TTC34: variants seen among roughly 807,000 people sequenced by gnomAD.
TTC34 encodes the protein tetratricopeptide repeat protein 34.
Under a neutral mutation model 40.7 loss-of-function variants are expected in TTC34, and 44 were observed. The observed-to-expected ratio is 1.08, with a 90% CI of 0.85 to 1.39. The LOEUF is 1.39. Ranked by LOEUF, TTC34 falls within the 40% of genes most tolerant of loss-of-function variation. TTC34 has a pLI of 0.00. For synonymous variants in TTC34, 422 were observed against 398.6 expected (o/e 1.06, Z -0.70); for missense variants, 884 against 838.0 (o/e 1.05, Z -0.68).
intron 6 of TTC34, among the ~76,000 whole-genome samples, chr1:2,688,147 G>A (rs796816033): frequency 0.023 from 795 of 34,510 alleles, no homozygotes; most frequent in African/African-American, 0.028. Context: ...AGCATCTGAC[G>A]GCCTGGAAGG....
chr1:2,686,081 C>G (rs1323839117), intron 6 of TTC34, among the ~76,000 whole-genome samples: 2 of 132,234 alleles, frequency 1.5e-5, no homozygotes. Context: ...GCACCCACAC[C>G]CCCAGGCGAG....
rs1377626427 is a variant in TTC34 at position 2,752,721 on chromosome 1, C to T, written c.2226+30888G>A. Among the ~76,000 whole-genome samples the T allele has an allele frequency of 2.3e-5, 3 of 131,060 alleles. 1 individual carries two copies. Among genetic ancestry groups the T allele is most frequent in the African/African-American group, 9.5e-5 (3 of 31,464 alleles). 86.0% of individuals were successfully genotyped at this position (131,060 alleles called of 152,430 possible). The stretch of plus-strand genomic sequence containing the variant: ...CAGATGAGCATCTGACAGCATGGAA[C>T]AGCACCCTGCACCCCCAGGACAGCA... On this transcript the variant is annotated intron_variant, in intron 6 of 8. Transcript: ENST00000401095.
chr1:2,686,623 C>A (rs1345367077), intron 6 of TTC34, among the ~76,000 whole-genome samples: 4 of 148,506 alleles, frequency 2.7e-5, no homozygotes, highest in African/African-American at 7.7e-5. Context: ...CATCTGACAG[C>A]ATGTAACAGC....
chr1:2,690,962 A>C (rs370528391), intron 6 of TTC34, among the ~76,000 whole-genome samples: 10 of 34,722 alleles, frequency 2.9e-4, no homozygotes, highest in Non-Finnish European at 4.1e-4. Flanking sequence ...CATCTGACAG[A>C]CTGGAACAGC....
rs1641626873 is a variant in TTC34, at chr1:2,759,645, G to T, written c.2226+23964C>A. 3.9e-5 allele frequency among the ~76,000 whole-genome samples: 6 copies of T among 151,954 alleles called. No homozygotes were observed. The East Asian group carries it at 5.8e-4, about 15-fold the overall frequency. On this transcript the variant is annotated intron_variant, in intron 6 of 8. Coordinates refer to ENST00000401095, the Ensembl canonical transcript of TTC34. ...CCTGGAACAGCACCCACACCCCCAGGTGAGCATTCGACAGCCTGGAGCAGC... is the reference window on the plus strand; with the variant it reads ...CCTGGAACAGCACCCACACCCCCAGTTGAGCATTCGACAGCCTGGAGCAGC...
At chr1:2,641,386 T>G in exon 9 of TTC34, 2 of 1,520,042 alleles carry the variant, frequency 1.3e-6, no homozygotes, top group African/African-American at 1.4e-5. Flanking sequence ...GCCAGCAGCC[T>G]GAGGATGCCT....
At chr1:2,683,377 G>C (rs1360108541) in intron 6 of TTC34, among the ~76,000 whole-genome samples, 2 of 145,384 alleles carry the variant, frequency 1.4e-5, no homozygotes, top group African/African-American at 5.2e-5. Context: ...TGATGGCTTG[G>C]AACAGCACCC....
chr1:2,768,062 C>A (rs1641839423), intron 6 of TTC34, among the ~76,000 whole-genome samples: 3 of 150,958 alleles, frequency 2.0e-5, no homozygotes, highest in Admixed American at 2.0e-4. Context: ...TGATCATTTG[C>A]CAGCCAGGAA....
At chr1:2,692,555 GCATC>G (rs1640672659) in intron 6 of TTC34, among the ~76,000 whole-genome samples, 1 of 99,638 alleles carries the variant, frequency 1.0e-5, no homozygotes, top group Non-Finnish European at 2.2e-5. Flanking sequence ...CCCCAGGCGA[GCATC>G]GGACGGCCTG....
At chr1:2,677,879 A>G (rs1406158643) in intron 6 of TTC34, among the ~76,000 whole-genome samples, 5 of 17,044 alleles carry the variant, frequency 2.9e-4, no homozygotes, top group East Asian at 5.5e-3. Context: ...ACAGCCTGGA[A>G]CCGCAGCCAC....
At chr1:2,691,099 ACCTT>A (rs1640597440) in intron 6 of TTC34, among the ~76,000 whole-genome samples, 2 of 75,438 alleles carry the variant, frequency 2.7e-5, no homozygotes, top group Non-Finnish European at 6.3e-5. Flanking sequence ...CAGCACCCAC[ACCTT>A]CAGGTGAGCA....
chr1:2,649,522 A>G (rs1170008893), intron 6 of TTC34, among the ~76,000 whole-genome samples: 1 of 152,080 alleles, frequency 6.6e-6, no homozygotes, highest in Admixed American at 6.5e-5. Context: ...AGCACCCTTC[A>G]TGTTCAGGTG....
rs1641269972 is a variant in TTC34 at position 2,750,224 on chromosome 1, G to C, written c.2226+33385C>G. ...CACACCCCCAGGTGCGCATCTGATGGTCTGGAGCAGCACCCACACCCACAG... is the reference window on the plus strand; with the variant it reads ...CACACCCCCAGGTGCGCATCTGATGCTCTGGAGCAGCACCCACACCCACAG... On this transcript the variant is annotated intron_variant, in intron 6 of 8. Coordinates refer to ENST00000401095, the Ensembl canonical transcript of TTC34. 3.3e-4 allele frequency among the ~76,000 whole-genome samples: 50 copies of C among 151,834 alleles called. No individual in the cohort carries two copies. The South Asian group carries it at 9.0e-3, about 27-fold the overall frequency.
exon 2 of TTC34, chr1:2,800,807 G>A (rs1169796260): frequency 5.0e-6 from 2 of 398,466 alleles, no homozygotes; most frequent in Admixed American, 4.4e-5. Flanking sequence ...GGCAGGCCAC[G>A]AGCTCCTGGG....
At chr1:2,685,085 G>C (rs1472177721) in intron 6 of TTC34, among the ~76,000 whole-genome samples, 2 of 105,684 alleles carry the variant, frequency 1.9e-5, no homozygotes, top group East Asian at 3.3e-4. Context: ...GCACCCCCAG[G>C]TGTGCACGTG....
chr1:2,789,408 C>A (rs1643634025), intron 3 of TTC34, 95 bp downstream of exon 3: 1 of 1,262,454 alleles, frequency 7.9e-7, no homozygotes, highest in Non-Finnish European at 1.1e-6. Context: ...TGCCTCCGTT[C>A]ATTCCTTTGT....
At chr1:2,691,180 T>A (rs72468227) in intron 6 of TTC34, among the ~76,000 whole-genome samples, 48 of 25,148 alleles carry the variant, frequency 1.9e-3, no homozygotes, top group Non-Finnish European at 2.1e-3. Context: ...AGCACCCTGC[T>A]TCCCCAGGTG....
chr1:2,641,466 C>T lies in TTC34; in HGVS notation c.3142G>A (p.Val1048Ile), dbSNP rs1413328823. The T allele has an allele frequency of 2.0e-6, 3 of 1,535,572 alleles. No homozygotes were observed. The East Asian group carries it at 7.3e-5, about 38-fold the overall frequency. Residue 1048 changes from valine to isoleucine, a missense_variant, in exon 9 of 9, where the codon GTA becomes ATA. Coordinates refer to ENST00000401095, the Ensembl canonical transcript of TTC34. Reference sequence around the variant, plus strand: ...GGGTCCACCAGGAGGCCGCTCTCTACCGCCGTCCAGGCCTCTGCGTGACGC... The same window carrying T: ...GGGTCCACCAGGAGGCCGCTCTCTATCGCCGTCCAGGCCTCTGCGTGACGC...
At chr1:2,789,647 A>G (rs1260457667) in exon 3 of TTC34, 5 of 1,342,552 alleles carry the variant, frequency 3.7e-6, no homozygotes, top group Non-Finnish European at 4.8e-6. Context: ...GTTCCAGGGC[A>G]CGTAGGCCTT....
Sources: allele counts gnomAD v4.1 joint callset (sites outside exome capture counted in the v4.1 genomes callset), GRCh38; gene constraint gnomAD v4.1.1; transcripts MANE v1.5; gene names NCBI Gene and HGNC (gene_info 2026-07-23, HGNC 2026-07-21).